Variants in MSN observed in about 807,000 individuals in gnomAD.
MSN encodes epididymis luminal protein 70.
Under a neutral mutation model 48.0 loss-of-function variants are expected in MSN, and 2 were observed. The ratio of observed to expected loss-of-function variants is 0.04; its 90% CI spans 0.02 to 0.13. The LOEUF is 0.13. Among genes scored for constraint, MSN ranks in the 10% least tolerant of loss-of-function variants. The pLI is 1.00. For synonymous variants in MSN, 146 were observed against 166.9 expected (o/e 0.87, Z 0.97); for missense variants, 267 against 470.1 (o/e 0.57, Z 3.99).
At chrX:65,688,382 A>G (rs1044397550) in intron 1 of MSN, among the ~76,000 whole-genome samples, 9 of 111,787 alleles carry the variant, frequency 8.1e-5, no homozygotes, top group Non-Finnish European at 3.8e-5. Context: ...CCAGCCAGGA[A>G]TTATTATCTT....
Position 65,741,838 on chromosome X carries a change from G to A in MSN, c.*1945G>A, listed in dbSNP as rs890397124. The A allele has an allele frequency of 4.3e-5, 7 of 162,902 alleles. No individual in the cohort carries two copies. The East Asian group carries it at 5.4e-4, about 12-fold the overall frequency. 13.4% of individuals were successfully genotyped at this position (162,902 alleles called of 1,213,427 possible). ...TAGATTTTGTATTCAGGGGTTTTTT[G>A]TGTACTTTTTGGGTTTTTTAAAAAT... On this transcript the variant is annotated 3_prime_UTR_variant, in exon 13 of 13. Transcript: ENST00000360270.
intron 1 of MSN, among the ~76,000 whole-genome samples, chrX:65,682,237 T>C (rs7051717): frequency 0.24 from 26,743 of 111,801 alleles, 7,677 homozygotes; most frequent in African/African-American, 0.83. Flanking sequence ...GTATACTCTT[T>C]AGAGGCCTGC....
At chrX:65,652,287 C>A (rs899619017) in intron 1 of MSN, among the ~76,000 whole-genome samples, 8 of 111,345 alleles carry the variant, frequency 7.2e-5, no homozygotes, top group Non-Finnish European at 1.1e-4. Context: ...CCCACAGAGC[C>A]AGGATGATTT....
chrX:65,639,857 C>T (rs113363753), intron 1 of MSN, among the ~76,000 whole-genome samples: 2,719 of 111,579 alleles, frequency 0.024, 92 homozygotes, highest in African/African-American at 0.084. Context: ...AAGGTAAGCA[C>T]GGGAACCATT....
At chrX:65,683,936 C>CTTTTT (rs1379919738) in intron 1 of MSN, among the ~76,000 whole-genome samples, 2 of 101,175 alleles carry the variant, frequency 2.0e-5, no homozygotes, top group Non-Finnish European at 4.1e-5. Context: ...TTCTTTCTTT[C>CTTTTT]TTTTTCTTTT....
chrX:65,714,860 G>A (rs751574419), intron 1 of MSN, among the ~76,000 whole-genome samples: 1 of 111,876 alleles, frequency 8.9e-6, no homozygotes, highest in Non-Finnish European at 1.9e-5. Flanking sequence ...TGCTTTTGGC[G>A]TCTTTGTTAT....
chrX:65,710,507 G>GT (rs1230898391), intron 1 of MSN, among the ~76,000 whole-genome samples: 12 of 110,899 alleles, frequency 1.1e-4, no homozygotes, highest in Middle Eastern at 4.6e-3. Context: ...TTACTTATTT[G>GT]TTTTTTACCA....
At chrX:65,621,747 C>T (rs954697202) in intron 1 of MSN, among the ~76,000 whole-genome samples, 3 of 112,220 alleles carry the variant, frequency 2.7e-5, no homozygotes, top group African/African-American at 9.7e-5. Flanking sequence ...AATATTAAGC[C>T]TTCATACCAA....
intron 1 of MSN, among the ~76,000 whole-genome samples, chrX:65,689,353 A>C (rs1360469684): frequency 9.0e-6 from 1 of 111,718 alleles, no homozygotes. Context: ...GGACAACTCT[A>C]CCAGCTCCAA....
At chrX:65,684,047 TC>T (rs1449984615) in intron 1 of MSN, among the ~76,000 whole-genome samples, 1 of 108,324 alleles carries the variant, frequency 9.2e-6, no homozygotes, top group Non-Finnish European at 1.9e-5. Context: ...TTCAAGTGAT[TC>T]TCATGCCTCA....
At chrX:65,714,685 A>G (rs1268820232) in intron 1 of MSN, among the ~76,000 whole-genome samples, 2 of 111,051 alleles carry the variant, frequency 1.8e-5, no homozygotes, top group East Asian at 5.6e-4. Context: ...TAAATTTGTT[A>G]AAGTTCCTTA....
At chrX:65,674,928 C>T (rs2070982465) in intron 1 of MSN, among the ~76,000 whole-genome samples, 1 of 112,267 alleles carries the variant, frequency 8.9e-6, no homozygotes, top group Non-Finnish European at 1.9e-5. Context: ...TTAACTTCTG[C>T]ACCTCATTTT....
chrX:65,623,363 C>CTTTTTTTTTTTTT (rs2070471282), intron 1 of MSN, among the ~76,000 whole-genome samples: 2 of 69,712 alleles, frequency 2.9e-5, no homozygotes, highest in East Asian at 3.8e-4. Flanking sequence ...TTTTTTCTTT[C>CTTTTTTTTTTTTT]TTTTCTTTTT....
intron 1 of MSN, among the ~76,000 whole-genome samples, chrX:65,688,739 G>A (rs2071143413): frequency 8.9e-6 from 1 of 111,868 alleles, no homozygotes; most frequent in African/African-American, 3.3e-5. Flanking sequence ...GGCTGTGTGG[G>A]GATGGCCACC....
At chrX:65,698,302 G>GCTCTTACACAA (rs1011558356) in intron 1 of MSN, among the ~76,000 whole-genome samples, 5 of 112,304 alleles carry the variant, frequency 4.5e-5, no homozygotes, top group Admixed American at 2.8e-4. Flanking sequence ...AAGAGCCCCA[G>GCTCTTACACAA]CTGTTTGGCT....
At chrX:65,677,050 A>G (rs1024085448) in intron 1 of MSN, among the ~76,000 whole-genome samples, 2 of 109,255 alleles carry the variant, frequency 1.8e-5, no homozygotes, top group African/African-American at 3.3e-5. Context: ...CTGGTCTTGA[A>G]CTCCTGACCT....
In MSN at chrX:65,628,010, TGATGCAAGA is replaced by T. The variant is rs749075165; in HGVS notation, c.-22+39403_-22+39411del. 2.2e-4 allele frequency among the ~76,000 whole-genome samples: 25 copies of T among 112,738 alleles called. 1 individual carries two copies. In the East Asian group the frequency reaches 6.2e-3, roughly 28 times the overall value. On this transcript the variant is annotated intron_variant, in intron 1 of 3. Coordinates refer to the MSN transcript ENST00000609672. Reference sequence around the variant, plus strand: ...TCCAGTTCTCACATCCAGTTCACAATGATGCAAGAGATGGGTTCCCATGGTTTTGGGCAG... The same window carrying T: ...TCCAGTTCTCACATCCAGTTCACAATGATGGGTTCCCATGGTTTTGGGCAG...
chrX:65,673,869 C>T (rs188499342), intron 1 of MSN, among the ~76,000 whole-genome samples: 2 of 111,562 alleles, frequency 1.8e-5, no homozygotes, highest in Non-Finnish European at 3.8e-5. Flanking sequence ...GGACTAAAAC[C>T]TAACTTGCTT....
intron 1 of MSN, among the ~76,000 whole-genome samples, chrX:65,658,173 A>G (rs1353269344): frequency 1.8e-5 from 2 of 111,941 alleles, no homozygotes; most frequent in Non-Finnish European, 3.8e-5. Flanking sequence ...ACTCTCAGCC[A>G]CATTATGCTG....
Sources: allele counts gnomAD v4.1 joint callset (sites outside exome capture counted in the v4.1 genomes callset), GRCh38; gene constraint gnomAD v4.1.1; transcripts MANE v1.5; gene names NCBI Gene and HGNC (gene_info 2026-07-23, HGNC 2026-07-21).